Variants in ZSWIM4 observed in about 807,000 individuals in gnomAD.
ZSWIM4 encodes zinc finger SWIM-type containing 4.
In ZSWIM4, 62 loss-of-function variants were observed where a neutral mutation model predicts 102.5. That is an observed-to-expected ratio of 0.60 (90% CI 0.49 to 0.75). ZSWIM4 has a LOEUF of 0.75. Ranked by LOEUF, ZSWIM4 falls within the 30% of genes least tolerant of loss-of-function variation. The probability of loss-of-function intolerance (pLI) is 0.00; values close to 1 mark genes in which losing one functional copy is unlikely to be tolerated. For missense variants in ZSWIM4, 1,280 were observed against 1,529.6 expected, an observed-to-expected ratio of 0.84 and a Z score of 2.72; for synonymous variants, 652 against 674.5, an observed-to-expected ratio of 0.97 and a Z score of 0.52.
chr19:13,817,463 C>T (rs1432250297), intron 8 of ZSWIM4, 110 bp downstream of exon 8: 3 of 1,422,648 alleles, frequency 2.1e-6, no homozygotes, highest in Non-Finnish European at 2.9e-6. Flanking sequence ...CCCTTGGCCA[C>T]GCCCCTACCC....
In ZSWIM4 at chr19:13,799,753, G is replaced by A. The variant is rs771663497; in HGVS notation, c.187G>A (p.Val63Ile). 3 of 1,613,978 alleles carry A rather than the reference G, an allele frequency of 1.9e-6. No homozygotes were observed. Among genetic ancestry groups the A allele is most frequent in the Middle Eastern group, 1.7e-4 (1 of 6,060 alleles). Reference protein sequence around the residue: ...EERFSRVPEPVQKRIVFWSFP... With the variant: ...EERFSRVPEPIQKRIVFWSFP... ...GCGGTTCTCCCGGGTGCCTGAGCCC[G>A]TCCAGAAGCGCATCGTGTTTTGGTC... The change falls in exon 2 of 14, where the codon GTC becomes ATC. Residue 63 changes from valine (V) to isoleucine (I), a missense_variant. Val to Ile is a conservative substitution (Grantham distance 29). Transcript: ENST00000590508.
In ZSWIM4 at chr19:13,819,360, G is replaced by T. The variant is rs771688961; in HGVS notation, c.1928G>T (p.Gly643Val). 1 of 1,613,834 alleles carries T rather than the reference G, an allele frequency of 6.2e-7. No homozygotes were observed. Among genetic ancestry groups the T allele is most frequent in the African/African-American group, 1.3e-5 (1 of 74,950 alleles). The stretch of plus-strand genomic sequence containing the variant: ...TGAGCTCAGGCTGTTCCTGCAGGGG[G>T]TCCCTTCAGTGGCTTTGGGGAGGTG... ...RKQAGLLLEG[G>V]PFSGFGEVLF... is the part of the protein sequence containing the mutation. Residue 643 changes from glycine to valine, a missense_variant, in exon 10 of 14, where the codon GGT (glycine) becomes GTT (valine). Coordinates refer to ENST00000590508, the MANE Select transcript of ZSWIM4 (RefSeq NM_001367834.3).
chr19:13,830,390 C>T lies in ZSWIM4; in HGVS notation c.2661C>T (p.Cys887=), dbSNP rs1330882078. The T allele has an allele frequency of 1.9e-6, 3 of 1,612,592 alleles. No homozygotes were observed. The highest frequency in any genetic ancestry group is 2.5e-6 in the Non-Finnish European group (3 of 1,179,982). The part of the protein sequence containing the change: ...LQCAMKDPQN[C]ALPALTLCEK... Reference sequence around the variant, plus strand: ...GCGCGATGAAGGACCCTCAGAACTGCGCCTTGCCTGCCCTGACCCTGTGCG... The same window carrying T: ...GCGCGATGAAGGACCCTCAGAACTGTGCCTTGCCTGCCCTGACCCTGTGCG... Residue 887 remains cysteine, a synonymous_variant, in exon 14 of 14, where the codon TGC becomes TGT. Transcript: ENST00000590508.
chr19:13,802,408 C>T (rs1296914009), intron 2 of ZSWIM4, among the ~76,000 whole-genome samples: 2 of 151,554 alleles, frequency 1.3e-5, no homozygotes, highest in East Asian at 4.0e-4. Context: ...GGTGAAACCC[C>T]GTCTCTACTA....
At chr19:13,818,429 G>T (rs993058096) in intron 9 of ZSWIM4, among the ~76,000 whole-genome samples, 1 of 152,126 alleles carries the variant, frequency 6.6e-6, no homozygotes. Context: ...CTACGCTATC[G>T]GACTTGCTGG....
chr19:13,823,458 C>T lies in ZSWIM4; in HGVS notation c.2173C>T (p.Arg725Cys), dbSNP rs754976525. 8 of 1,591,364 alleles carry T rather than the reference C, an allele frequency of 5.0e-6. No individual in the cohort carries two copies. The highest frequency in any genetic ancestry group is 5.1e-6 in the Non-Finnish European group (6 of 1,168,840). The change falls in exon 11 of 14, where the codon CGC (arginine) becomes TGC (cysteine). Residue 725 changes from arginine to cysteine, a missense_variant. Coordinates refer to ENST00000590508, the MANE Select transcript of ZSWIM4 (RefSeq NM_001367834.3). The part of the protein sequence containing the change: ...RWFILGHLET[R>C]QCELASTMLT... ...GTTCATCCTTGGCCACCTGGAGACCCGCCAGTGTGAACTGGCTTCCACCAT... is the reference window on the plus strand; with the variant it reads ...GTTCATCCTTGGCCACCTGGAGACCTGCCAGTGTGAACTGGCTTCCACCAT...
chr19:13,812,286 T>TTTTTGTTTTTGTTTTG (rs1975117921), intron 5 of ZSWIM4, among the ~76,000 whole-genome samples: 1 of 151,664 alleles, frequency 6.6e-6, no homozygotes, highest in Non-Finnish European at 1.5e-5. Context: ...TGTTTGTTTG[T>TTTTTGTTTTTGTTTTG]TTTTGTTTTT....
chr19:13,817,887 A>C lies in ZSWIM4; in HGVS notation c.1835A>C (p.Glu612Ala). Residue 612 changes from glutamate to alanine, a missense_variant, in exon 9 of 14, where the codon GAG becomes GCG. Physicochemically the swap from Glu to Ala is moderately radical, Grantham distance 107. Coordinates refer to ENST00000590508, the MANE Select transcript of ZSWIM4 (RefSeq NM_001367834.3). ...LYAQDKVVRN[E>A]EQLLALLEEV... is the part of the protein sequence containing the mutation. ...GCCCAGGACAAGGTGGTGCGCAACGAGGAGCAGCTGCTGGCCCTGCTGGAG... is the reference window on the plus strand; with the variant it reads ...GCCCAGGACAAGGTGGTGCGCAACGCGGAGCAGCTGCTGGCCCTGCTGGAG... The C allele has an allele frequency of 6.4e-7, 1 of 1,550,912 alleles. No individual in the cohort carries two copies. The highest frequency in any genetic ancestry group is 8.7e-7 in the Non-Finnish European group (1 of 1,146,726).
At chr19:13,823,013 T>C (rs1312544288) in intron 10 of ZSWIM4, among the ~76,000 whole-genome samples, 1 of 149,356 alleles carries the variant, frequency 6.7e-6, no homozygotes, top group Non-Finnish European at 1.5e-5. Context: ...AAGCCAGGTA[T>C]GGTGGCACGT....
chr19:13,815,456 A>ATTTTTTTT (rs758486796), intron 7 of ZSWIM4: 10 of 58,174 alleles, frequency 1.7e-4, no homozygotes, highest in African/African-American at 3.1e-4. Context: ...GTGCCTGGAA[A>ATTTTTTTT]TTTTTTTTTT....
In ZSWIM4 at chr19:13,799,074, C is replaced by T. The variant is rs143970942; in HGVS notation, c.154-646C>T. Among the ~76,000 whole-genome samples, 15 of 151,870 alleles carry T rather than the reference C, an allele frequency of 9.9e-5. No homozygotes were observed. The East Asian group carries it at 2.9e-3, about 30-fold the overall frequency. On this transcript the variant is annotated intron_variant, in intron 1 of 13. Coordinates refer to ENST00000590508, the MANE Select transcript of ZSWIM4 (RefSeq NM_001367834.3). ...AAAATGCTAGAATTGCAGGCATGAGCCACTGCCCTGACCTATTTTTTTTGA... is the reference window on the plus strand; with the variant it reads ...AAAATGCTAGAATTGCAGGCATGAGTCACTGCCCTGACCTATTTTTTTTGA...
At chr19:13,812,972 T>C (rs2145313018) in intron 5 of ZSWIM4, 25 bp from the exon 6 acceptor site, 1 of 1,576,456 alleles carries the variant, frequency 6.3e-7, no homozygotes, top group South Asian at 1.1e-5. Flanking sequence ...GGCAGGAATA[T>C]TGAGCCTGCC....
In ZSWIM4 at chr19:13,805,519, A is replaced by C. The variant is rs796252209; in HGVS notation, c.712+371A>C. On this transcript the variant is annotated intron_variant, in intron 3 of 13. Transcript: ENST00000590508. ...AATGTGGGACGTTTGTGGGTGTCAG[A>C]GGTGTTATGGGTGAGGGGATACACC... 5.4e-5 allele frequency among the ~76,000 whole-genome samples: 8 copies of C among 148,196 alleles called. 1 individual carries two copies. Among genetic ancestry groups the C allele is most frequent in the African/African-American group, 2.0e-4 (8 of 40,466 alleles).
In ZSWIM4 at chr19:13,825,567, C is replaced by T; in HGVS notation, c.2233C>T (p.His745Tyr). 1 of 1,614,114 alleles carries T rather than the reference C, an allele frequency of 6.2e-7. No homozygotes were observed. The highest frequency in any genetic ancestry group is 8.5e-7 in the Non-Finnish European group (1 of 1,179,962). The change falls in exon 12 of 14, where the codon CAC becomes TAC. Residue 745 changes from histidine (H) to tyrosine (Y), a missense_variant. Physicochemically the swap from His to Tyr is moderately conservative, Grantham distance 83. Coordinates refer to ENST00000590508, the MANE Select transcript of ZSWIM4 (RefSeq NM_001367834.3). The surrounding 1 kb of genome is among the most constrained non-coding windows in gnomAD (Gnocchi z 4.6). ...TCACCCAGGAGACCCCAAGTGGCTG[C>T]ACACGGTACTGGGCTCCATCCAGCA... ...TAAKGDPKWL[H>Y]TVLGSIQQNI...
intron 10 of ZSWIM4, among the ~76,000 whole-genome samples, chr19:13,821,819 C>G (rs1975470907): frequency 6.6e-6 from 1 of 152,080 alleles, no homozygotes; most frequent in African/African-American, 2.4e-5. Context: ...ACTGCAAGCT[C>G]CAAACCTCCC....
At chr19:13,799,563 A>G (rs1241899097) in intron 1 of ZSWIM4, among the ~76,000 whole-genome samples, 157 bp from the exon 2 acceptor site, 1 of 151,964 alleles carries the variant, frequency 6.6e-6, no homozygotes, top group Non-Finnish European at 1.5e-5. Context: ...GGCGTGAGCC[A>G]TCGTGCCCGG....
At position 13,829,652 on chromosome 19, in the gene ZSWIM4, G is replaced by A. The variant is rs560288163; in HGVS notation, c.2462-539G>A. The stretch of plus-strand genomic sequence containing the variant: ...ATCCTGGCTAATACGGTGAAACCCC[G>A]TCTCTACTAAAAATACAAAAAAACT... On this transcript the variant is annotated intron_variant, in intron 13 of 13. Transcript: ENST00000590508. 8.6e-5 allele frequency among the ~76,000 whole-genome samples: 13 copies of A among 151,882 alleles called. No individual in the cohort carries two copies. In the East Asian group the frequency reaches 1.2e-3, roughly 14 times the overall value.
intron 13 of ZSWIM4, among the ~76,000 whole-genome samples, chr19:13,829,197 C>G (rs1975691220): frequency 1.3e-5 from 2 of 152,042 alleles, no homozygotes; most frequent in Admixed American, 6.6e-5. Context: ...GGGAAAATCA[C>G]TTGAGCCCAG....
chr19:13,816,014 G>T (rs1195344614), intron 7 of ZSWIM4, among the ~76,000 whole-genome samples: 4 of 148,626 alleles, frequency 2.7e-5, no homozygotes, highest in Admixed American at 2.0e-4. Context: ...AAGAGGTGGG[G>T]AGGGAGGGAC....
Sources: gnomAD v4.1 joint callset for allele counts (sites outside exome capture counted in the v4.1 genomes callset) on GRCh38, gnomAD v4.1.1 for gene constraint, Gnocchi (gnomAD v3.1) non-coding constraint, MANE v1.5 for transcripts, NCBI Gene and HGNC (gene_info 2026-07-23, HGNC 2026-07-21) for gene names.